The following ADGRL2 variants were observed in gnomAD, a reference collection of about 807,000 sequenced individuals.
ADGRL2 encodes adhesion G protein-coupled receptor L2.
Under a neutral mutation model 157.4 loss-of-function variants are expected in ADGRL2, and 44 were observed. The observed-to-expected ratio is 0.28, with a 90% confidence interval of 0.22 to 0.36. The LOEUF (loss-of-function observed/expected upper bound fraction) is 0.36. Among genes scored for constraint, ADGRL2 ranks in the 10% least tolerant of loss-of-function variants. The pLI is 1.00. For missense variants in ADGRL2, 1,510 were observed against 1,768.9 expected, an observed-to-expected ratio of 0.85 and a Z score of 2.63; for synonymous variants, 585 against 624.7, an observed-to-expected ratio of 0.94 and a Z score of 0.95.
intron 2 of ADGRL2, among the ~76,000 whole-genome samples, chr1:81,531,346 C>T (rs1370197002): frequency 1.3e-5 from 2 of 152,046 alleles, no homozygotes; most frequent in African/African-American, 4.8e-5. Flanking sequence ...AACTTTTGAA[C>T]CTATATACTG....
chr1:81,734,083 A>C, intron 1 of ADGRL2, among the ~76,000 whole-genome samples: 1 of 151,916 alleles, frequency 6.6e-6, no homozygotes, highest in East Asian at 1.9e-4. Context: ...TCGAGACCAG[A>C]CTAACCAACA....
intron 18 of ADGRL2, 103 bp downstream of exon 18, chr1:81,980,063 T>C (rs1661231830): frequency 3.0e-6 from 2 of 676,834 alleles, no homozygotes; most frequent in African/African-American, 1.8e-5. Context: ...GTAGAAATTA[T>C]TCAGAATGAA....
intron 2 of ADGRL2, among the ~76,000 whole-genome samples, chr1:81,883,875 C>T (rs1239322888): frequency 6.6e-6 from 1 of 152,020 alleles, no homozygotes; most frequent in African/African-American, 2.4e-5. Flanking sequence ...AGAATTGTAG[C>T]CATTATATTG....
rs1470181674 is a variant in ADGRL2 at position 81,942,914 on chromosome 1, T to A, written c.410-55T>A. On this transcript the variant is annotated intron_variant, in intron 5 of 23. Coordinates refer to ENST00000686636, the MANE Select transcript of ADGRL2 (RefSeq NM_001366006.2). ...TGATTTGTGATCACTGAAACTTGTT[T>A]GCCTGTGTAATTTTTTAACTTGGCT... 2.3e-6 allele frequency: 3 copies of A among 1,306,628 alleles called. No individual in the cohort carries two copies. In the African/African-American group the frequency reaches 4.4e-5, roughly 19 times the overall value. 80.9% of individuals were successfully genotyped at this position (1,306,628 alleles called of 1,614,324 possible).
intron 3 of ADGRL2, among the ~76,000 whole-genome samples, chr1:81,625,310 C>T (rs953374073): frequency 6.6e-6 from 1 of 152,140 alleles, no homozygotes; most frequent in Non-Finnish European, 1.5e-5. Flanking sequence ...CCCTCCCTCC[C>T]TCTCTCCTCT....
At chr1:81,375,947 CTTATACTTACTAACT>C (rs1159100982) in intron 1 of ADGRL2, among the ~76,000 whole-genome samples, 2 of 151,930 alleles carry the variant, frequency 1.3e-5, no homozygotes, top group African/African-American at 2.4e-5. Flanking sequence ...CATATTCGGT[CTTATACTTACTAACT>C]TTAATAAAAT....
At chr1:81,646,282 G>A (rs1306303041) in intron 3 of ADGRL2, among the ~76,000 whole-genome samples, 1 of 152,148 alleles carries the variant, frequency 6.6e-6, no homozygotes, top group Non-Finnish European at 1.5e-5. Flanking sequence ...GAATAAGAGA[G>A]TGTACCAGCA....
intron 2 of ADGRL2, among the ~76,000 whole-genome samples, chr1:81,857,509 A>G (rs1432172572): frequency 6.6e-6 from 1 of 152,140 alleles, no homozygotes; most frequent in African/African-American, 2.4e-5. Flanking sequence ...TTAACTCTCT[A>G]TTATAATTGC....
At position 81,861,432 on chromosome 1, in the gene ADGRL2, C is replaced by G. The variant is rs187742429; in HGVS notation, c.73+24375C>G. On this transcript the variant is annotated intron_variant, in intron 2 of 23. Coordinates refer to ENST00000686636, the MANE Select transcript of ADGRL2 (RefSeq NM_001366006.2). ...AAGTTAATTTAAGAAATTCATCTAG[C>G]ACTTTATAAGAGATGTCAGAATATC... is the stretch of plus-strand genomic sequence containing the variant. 3.8e-4 allele frequency among the ~76,000 whole-genome samples: 58 copies of G among 152,274 alleles called. 1 individual carries two copies. The highest frequency in any genetic ancestry group is 1.3e-3 in the African/African-American group (56 of 41,568).
At chr1:81,771,894 T>C (rs1427305191) in intron 2 of ADGRL2, among the ~76,000 whole-genome samples, 1 of 152,230 alleles carries the variant, frequency 6.6e-6, no homozygotes, top group Admixed American at 6.5e-5. Context: ...TCTTTCATCC[T>C]TTTTTTGCCC....
At chr1:81,770,769 C>T (rs2086335834) in intron 2 of ADGRL2, among the ~76,000 whole-genome samples, 2 of 152,110 alleles carry the variant, frequency 1.3e-5, no homozygotes, top group Admixed American at 6.5e-5. Context: ...CCACAGCGCC[C>T]GGCCAATAAT....
intron 2 of ADGRL2, among the ~76,000 whole-genome samples, chr1:81,776,315 A>T (rs2086583293): frequency 6.6e-6 from 1 of 151,882 alleles, no homozygotes; most frequent in South Asian, 2.1e-4. Flanking sequence ...CTGCCTCCCA[A>T]GTAGCTGGGA....
At chr1:81,637,902 A>G (rs914163254) in intron 3 of ADGRL2, among the ~76,000 whole-genome samples, 5 of 151,988 alleles carry the variant, frequency 3.3e-5, no homozygotes, top group Admixed American at 1.3e-4. Context: ...AGCATACTTT[A>G]AAAGGTATGC....
chr1:81,686,286 T>C (rs1053392722), intron 3 of ADGRL2, among the ~76,000 whole-genome samples: 7 of 152,152 alleles, frequency 4.6e-5, no homozygotes, highest in Non-Finnish European at 8.8e-5. Context: ...GTGTTAGTAA[T>C]TTTTTAATCA....
At chr1:81,747,565 G>C (rs889042337) in intron 1 of ADGRL2, among the ~76,000 whole-genome samples, 2 of 151,950 alleles carry the variant, frequency 1.3e-5, no homozygotes, top group African/African-American at 4.8e-5. Flanking sequence ...GCCTCCCAAA[G>C]TGCTAGGATT....
At chr1:81,806,887 C>A (rs2089232711) in intron 1 of ADGRL2, among the ~76,000 whole-genome samples, 1 of 151,982 alleles carries the variant, frequency 6.6e-6, no homozygotes. Flanking sequence ...AAAGTTTCTT[C>A]AAAGACTGTA....
intron 2 of ADGRL2, among the ~76,000 whole-genome samples, chr1:81,505,454 T>C (rs2078952652): frequency 6.6e-6 from 1 of 150,700 alleles, no homozygotes; most frequent in South Asian, 2.1e-4. Context: ...TTCCGGTCAT[T>C]GGATCCTCTC....
intron 2 of ADGRL2, among the ~76,000 whole-genome samples, chr1:81,894,397 G>A (rs943892038): frequency 8.5e-5 from 13 of 152,176 alleles, no homozygotes; most frequent in African/African-American, 3.1e-4. Context: ...CATTCATTGA[G>A]AAAAGTAATA....
intron 11 of ADGRL2, among the ~76,000 whole-genome samples, chr1:81,963,409 G>A (rs1277373324): frequency 1.3e-5 from 2 of 151,780 alleles, no homozygotes; most frequent in African/African-American, 4.8e-5. Context: ...CATTAAGCTA[G>A]GTCTTCTAGT....
Sources: allele counts gnomAD v4.1 joint callset (sites outside exome capture counted in the v4.1 genomes callset), GRCh38; gene constraint gnomAD v4.1.1; transcripts MANE v1.5; gene names NCBI Gene and HGNC (gene_info 2026-07-23, HGNC 2026-07-21).